Variants in FLVCR1 observed in about 807,000 individuals in gnomAD.
The protein encoded by FLVCR1 is FLVCR choline and heme transporter 1, also known as choline/ethanolamine transporter FLVCR1.
Under a neutral mutation model 53.6 loss-of-function variants are expected in FLVCR1, and 34 were observed. That is an observed-to-expected ratio of 0.63 (90% CI 0.48 to 0.84). The LOEUF (loss-of-function observed/expected upper bound fraction) is 0.84, where lower values mean the gene tolerates loss of function less well. Ranked by LOEUF, FLVCR1 falls within the 40% of genes least tolerant of loss-of-function variation. FLVCR1 has a pLI of 0.00. For synonymous variants in FLVCR1, 300 were observed against 286.3 expected (o/e 1.05, Z -0.48); for missense variants, 677 against 696.7 (o/e 0.97, Z 0.32).
At chr1:212,866,037 T>G (rs12119818) in intron 2 of FLVCR1, among the ~76,000 whole-genome samples, 1 of 47,208 alleles carries the variant, frequency 2.1e-5, no homozygotes, top group Non-Finnish European at 6.4e-5. Flanking sequence ...CAGGCTGGAG[T>G]GCAGTGGCGC....
In FLVCR1 at chr1:212,887,975, C is replaced by G; in HGVS notation, c.1281C>G (p.Ile427Met). 2 of 1,597,200 alleles carry G rather than the reference C, an allele frequency of 1.3e-6. No homozygotes were observed. Among genetic ancestry groups the G allele is most frequent in the East Asian group, 2.2e-5 (1 of 44,672 alleles). The change falls in exon 6 of 10, where the codon ATC (isoleucine) becomes ATG (methionine). Residue 427 changes from isoleucine (I) to methionine (M), a missense_variant. Coordinates refer to ENST00000366971, the MANE Select transcript of FLVCR1 (RefSeq NM_014053.4). ...TFTLDLRYII[I>M]VFVTGGVLGF... ...CATTGGACCTTAGATATATTATCAT[C>G]GTGTTTGTTACTGGAGGGGTGCTTG...
chr1:212,864,192 T>G (rs1269202921), intron 2 of FLVCR1, among the ~76,000 whole-genome samples: 1 of 152,250 alleles, frequency 6.6e-6, no homozygotes, highest in African/African-American at 2.4e-5. Flanking sequence ...ATGCCTCTTA[T>G]GCCTACCTAG....
intron 1 of FLVCR1, among the ~76,000 whole-genome samples, chr1:212,861,494 G>A (rs1449343100): frequency 6.6e-6 from 1 of 151,986 alleles, no homozygotes; most frequent in Non-Finnish European, 1.5e-5. Context: ...CCTGTTGTCT[G>A]GTATGATTAC....
chr1:212,872,523 A>G (rs1664629157), intron 2 of FLVCR1, among the ~76,000 whole-genome samples, 155 bp from the exon 3 acceptor site: 1 of 152,206 alleles, frequency 6.6e-6, no homozygotes, highest in Admixed American at 6.5e-5. Context: ...AGTGAAAATG[A>G]AAACCCTTAC....
chr1:212,858,533 G>C lies in FLVCR1; in HGVS notation c.81G>C (p.Arg27Ser). Residue 27 changes from arginine to serine, a missense_variant, in exon 1 of 10, where the codon AGG becomes AGC. Physicochemically the swap from Arg to Ser is moderately radical, Grantham distance 110 (BLOSUM62 -1). Transcript: ENST00000366971. The part of the protein sequence containing the change: ...PLAKGYLPLP[R>S]GAPVGKESVE... ...CGAAAGGATACCTCCCGTTGCCGAG[G>C]GGCGCGCCCGTTGGGAAGGAGAGCG... The C allele has an allele frequency of 6.8e-7, 1 of 1,462,084 alleles. No individual in the cohort carries two copies. Among genetic ancestry groups the C allele is most frequent in the Non-Finnish European group, 9.0e-7 (1 of 1,109,124 alleles). 90.6% of individuals were successfully genotyped at this position (1,462,084 alleles called of 1,614,324 possible). A position where few individuals can be genotyped will look rare whatever the true frequency, so the allele number is the denominator to read the frequency against.
intron 1 of FLVCR1, among the ~76,000 whole-genome samples, chr1:212,860,712 A>G (rs1664209799): frequency 2.0e-5 from 3 of 152,150 alleles, no homozygotes; most frequent in African/African-American, 4.8e-5. Flanking sequence ...TGTAAGTTTC[A>G]TGAAAATAGG....
At chr1:212,879,306 A>C (rs1194841674) in intron 3 of FLVCR1, among the ~76,000 whole-genome samples, 1 of 152,186 alleles carries the variant, frequency 6.6e-6, no homozygotes, top group East Asian at 1.9e-4. Context: ...CATGTTCTTC[A>C]CCAAAGGGGT....
At chr1:212,881,120 G>A (rs1664914787) in intron 3 of FLVCR1, among the ~76,000 whole-genome samples, 1 of 152,040 alleles carries the variant, frequency 6.6e-6, no homozygotes, top group African/African-American at 2.4e-5. Flanking sequence ...GGAACTGTTT[G>A]GTAAATTGTC....
chr1:212,863,913 G>A, intron 2 of FLVCR1, 44 bp downstream of exon 2: 3 of 1,527,490 alleles, frequency 2.0e-6, no homozygotes, highest in Middle Eastern at 1.7e-4. Flanking sequence ...ATGCATGATA[G>A]AAATTTGAGA....
chr1:212,867,278 T>A (rs745666380), intron 2 of FLVCR1, among the ~76,000 whole-genome samples: 1 of 152,246 alleles, frequency 6.6e-6, no homozygotes, highest in Non-Finnish European at 1.5e-5. Context: ...AATTTCACAC[T>A]AATACCCTAT....
intron 8 of FLVCR1, among the ~76,000 whole-genome samples, chr1:212,892,453 A>G (rs1170947188): frequency 2.0e-5 from 3 of 152,230 alleles, no homozygotes; most frequent in Non-Finnish European, 4.4e-5. Context: ...ACAATGGAAC[A>G]ATGAACCTGA....
rs1175398754 is a variant in FLVCR1, at chr1:212,865,977, TTTGG to T, written c.883+2111_883+2114del. ...ACAGGCATTTGGCTAATTTTTGGGG[TTTGG>T]TTTTTTTTTTTTTTTTTTTTTGAGA... On this transcript the variant is annotated intron_variant, in intron 2 of 9. Coordinates refer to ENST00000366971, the MANE Select transcript of FLVCR1 (RefSeq NM_014053.4). 1.7e-4 allele frequency among the ~76,000 whole-genome samples: 9 copies of T among 53,890 alleles called. 1 individual carries two copies. Among genetic ancestry groups the T allele is most frequent in the Non-Finnish European group, 4.1e-4 (8 of 19,628 alleles). 35.4% of individuals were successfully genotyped at this position (53,890 alleles called of 152,430 possible).
intron 3 of FLVCR1, among the ~76,000 whole-genome samples, chr1:212,873,321 TAAAAG>T (rs1422978402): frequency 3.3e-5 from 5 of 150,062 alleles, no homozygotes; most frequent in Admixed American, 3.3e-4. Context: ...AAAAAAAAAA[TAAAAG>T]AAAGAAAAGA....
Position 212,885,550 on chromosome 1 carries a change from C to CTTT in FLVCR1, c.1196+170_1196+172dup, listed in dbSNP as rs539282150. 5.9e-3 allele frequency: 1,746 copies of CTTT among 296,392 alleles called. 1 individual carries two copies. The highest frequency in any genetic ancestry group is 0.011 in the East Asian group (130 of 11,438). The allele number at this position is 296,392 out of a possible 1,614,324, so 18.4% of individuals were successfully genotyped here. ...GGTTCTCTTCACTTAACAAGTGTTT[C>CTTT]TTTTTTTTTTTTTTTTTTGAGACGG... On this transcript the variant is annotated intron_variant, in intron 5 of 9. Coordinates refer to ENST00000366971, the MANE Select transcript of FLVCR1 (RefSeq NM_014053.4).
chr1:212,867,648 A>G (rs1664475424), intron 2 of FLVCR1, among the ~76,000 whole-genome samples: 1 of 152,228 alleles, frequency 6.6e-6, no homozygotes, highest in Non-Finnish European at 1.5e-5. Flanking sequence ...CTTGTGCAGC[A>G]GAGCAGTAAA....
intron 8 of FLVCR1, among the ~76,000 whole-genome samples, chr1:212,894,721 T>G (rs981383666): frequency 6.6e-6 from 1 of 152,182 alleles, no homozygotes; most frequent in Non-Finnish European, 1.5e-5. Context: ...TTCCCTAGAT[T>G]GGAGAGTCCT....
chr1:212,865,230 T>C (rs998552447), intron 2 of FLVCR1, among the ~76,000 whole-genome samples: 3 of 151,652 alleles, frequency 2.0e-5, no homozygotes, highest in Non-Finnish European at 4.4e-5. Flanking sequence ...GCTGCACCCA[T>C]TAACTCGTCA....
chr1:212,867,185 T>C (rs1335126188), intron 2 of FLVCR1, among the ~76,000 whole-genome samples: 2 of 152,248 alleles, frequency 1.3e-5, no homozygotes, highest in Non-Finnish European at 2.9e-5. Flanking sequence ...GTTCATGCCA[T>C]GTAACTGTTC....
intron 3 of FLVCR1, among the ~76,000 whole-genome samples, chr1:212,873,999 GT>G (rs1167527945): frequency 6.6e-6 from 1 of 151,956 alleles, no homozygotes; most frequent in Non-Finnish European, 1.5e-5. Context: ...ATTTCCTCCA[GT>G]TTTTTTCCTG....
Sources: allele counts gnomAD v4.1 joint callset (sites outside exome capture counted in the v4.1 genomes callset), GRCh38; gene constraint gnomAD v4.1.1; transcripts MANE v1.5; gene names NCBI Gene and HGNC (gene_info 2026-07-23, HGNC 2026-07-21).